The following UGGT2 variants were observed in gnomAD, a reference collection of about 807,000 sequenced individuals.
The protein encoded by UGGT2 is UDP-glucose glycoprotein glucosyltransferase 2.
Under a neutral mutation model 192.1 loss-of-function variants are expected in UGGT2, and 180 were observed. The observed-to-expected ratio is 0.94, with a 90% CI of 0.83 to 1.06. UGGT2 has a LOEUF of 1.06. UGGT2 is among the 50% of genes least tolerant of loss of function. The pLI is 0.00. For missense variants in UGGT2, 1,849 were observed against 1,795.7 expected, an observed-to-expected ratio of 1.03 and a Z score of -0.54; for synonymous variants, 580 against 591.0, an observed-to-expected ratio of 0.98 and a Z score of 0.27.
chr13:95,868,018 T>C (rs1291142680), intron 29 of UGGT2, among the ~76,000 whole-genome samples: 5 of 152,186 alleles, frequency 3.3e-5, no homozygotes, highest in Admixed American at 6.5e-5. Context: ...CTGTGCTCCG[T>C]AATTATTTTT....
At chr13:96,011,597 G>A (rs1047895937) in intron 5 of UGGT2, among the ~76,000 whole-genome samples, 1 of 152,124 alleles carries the variant, frequency 6.6e-6, no homozygotes, top group Non-Finnish European at 1.5e-5. Context: ...CAGCCACTTT[G>A]AGAGACAGTT....
intron 20 of UGGT2, among the ~76,000 whole-genome samples, chr13:95,914,327 C>G (rs2048606959): frequency 6.6e-6 from 1 of 151,136 alleles, no homozygotes; most frequent in Admixed American, 6.6e-5. Flanking sequence ...TTTCTTAAAA[C>G]TACTGGCATC....
chr13:95,881,432 A>G (rs1431762609), intron 27 of UGGT2, among the ~76,000 whole-genome samples: 1 of 152,144 alleles, frequency 6.6e-6, no homozygotes, highest in Non-Finnish European at 1.5e-5. Flanking sequence ...TAAGTGTTTG[A>G]TGGTTTGAGA....
intron 38 of UGGT2, among the ~76,000 whole-genome samples, chr13:95,824,966 A>C (rs1371232674): frequency 6.6e-6 from 1 of 151,776 alleles, no homozygotes; most frequent in Non-Finnish European, 1.5e-5. Context: ...TTCCCCCTTA[A>C]GAATGTGAGT....
chr13:95,854,372 C>T lies in UGGT2; in HGVS notation c.4112G>A (p.Arg1371His), dbSNP rs1203096176. 11 of 1,613,660 alleles carry T rather than the reference C, an allele frequency of 6.8e-6. No homozygotes were observed. The highest frequency in any genetic ancestry group is 1.6e-4 in the Middle Eastern group (1 of 6,078). ...TGCCCAGTATCCTGTTTTCCAGAAA[C>T]GATATCCATCCATTTCCCTGCGGCT... Reference protein sequence around the residue: ...CDSRREMDGYRFWKTGYWASH... With the variant: ...CDSRREMDGYHFWKTGYWASH... Residue 1371 changes from arginine to histidine, a missense_variant, in exon 35 of 39, where the codon CGT becomes CAT. By Grantham distance (29) the Arg-to-His change is conservative (BLOSUM62 0). Coordinates refer to ENST00000376747, the MANE Select transcript of UGGT2 (RefSeq NM_020121.4).
intron 12 of UGGT2, among the ~76,000 whole-genome samples, chr13:95,969,348 G>A (rs2050692175): frequency 6.6e-6 from 1 of 152,182 alleles, no homozygotes; most frequent in African/African-American, 2.4e-5. Context: ...CCATAACCAT[G>A]AATATAACAA....
chr13:95,885,487 C>G (rs1834661269), intron 26 of UGGT2, among the ~76,000 whole-genome samples: 1 of 152,170 alleles, frequency 6.6e-6, no homozygotes, highest in Non-Finnish European at 1.5e-5. Flanking sequence ...CACAGAAGAG[C>G]CACAGAGAGA....
At chr13:96,046,917 G>C (rs1010652497) in intron 1 of UGGT2, among the ~76,000 whole-genome samples, 3 of 152,208 alleles carry the variant, frequency 2.0e-5, no homozygotes, top group African/African-American at 7.2e-5. Flanking sequence ...AGTGAGGCTG[G>C]GGGAGGGGCA....
chr13:95,891,666 C>T (rs890784862), intron 24 of UGGT2, among the ~76,000 whole-genome samples: 3 of 152,060 alleles, frequency 2.0e-5, no homozygotes, highest in African/African-American at 7.2e-5. Flanking sequence ...TACTGAATTA[C>T]TGTTTTAACA....
At chr13:96,034,361 C>T (rs1309627020) in intron 1 of UGGT2, among the ~76,000 whole-genome samples, 1 of 152,228 alleles carries the variant, frequency 6.6e-6, no homozygotes, top group African/African-American at 2.4e-5. Context: ...GAGCTACCAA[C>T]TTCAGTTCTC....
chr13:95,931,199 G>C (rs2049251436), intron 17 of UGGT2, among the ~76,000 whole-genome samples: 2 of 152,146 alleles, frequency 1.3e-5, no homozygotes, highest in Non-Finnish European at 2.9e-5. Flanking sequence ...CACTAGATGA[G>C]CTAGACACAG....
intron 5 of UGGT2, among the ~76,000 whole-genome samples, chr13:96,007,773 G>A (rs934773160): frequency 1.3e-5 from 2 of 152,082 alleles, no homozygotes; most frequent in Non-Finnish European, 2.9e-5. Flanking sequence ...CAACACTGAT[G>A]AAAGGAATCG....
At chr13:95,859,496 T>G in intron 33 of UGGT2, 95 bp downstream of exon 33, 1 of 1,036,274 alleles carries the variant, frequency 9.6e-7, no homozygotes, top group Admixed American at 2.9e-5. Flanking sequence ...TCAAAAAGCT[T>G]ATTCTGAAAA....
chr13:95,854,424 G>A lies in UGGT2; in HGVS notation c.4060C>T (p.Pro1354Ser), dbSNP rs186789804. 3 of 1,613,412 alleles carry A rather than the reference G, an allele frequency of 1.9e-6. No homozygotes were observed. The highest frequency in any genetic ancestry group is 1.3e-5 in the African/African-American group (1 of 74,994). ...TCACAAAATGGAGTATACCCATAAG[G>A]AGCTCCATCCAGATCGAAATCTCGA... Reference protein sequence around the residue: ...ELRDFDLDGAPYGYTPFCDSR... With the variant: ...ELRDFDLDGASYGYTPFCDSR... The change falls in exon 35 of 39, where the codon CCT becomes TCT. Residue 1354 changes from proline (P) to serine (S), a missense_variant. Transcript: ENST00000376747.
At chr13:95,975,512 T>A (rs1158938415) in intron 10 of UGGT2, among the ~76,000 whole-genome samples, 4 of 152,196 alleles carry the variant, frequency 2.6e-5, no homozygotes, top group African/African-American at 9.7e-5. Flanking sequence ...TCCAAAAAAC[T>A]TAGATTTTTG....
At position 95,903,012 on chromosome 13, in the gene UGGT2, T is replaced by C. The variant is rs1020620771; in HGVS notation, c.2344A>G (p.Lys782Glu). ...ATAGCTGTGTTCTCTTCATTTATTT[T>C]TGATGTAGGATTATAAATAATCCCC... ...RLGIIYNPTS[K>E]INEENTAISR... The change falls in exon 21 of 39, where the codon AAA becomes GAA. Residue 782 changes from lysine (K) to glutamate (E), a missense_variant. Lys to Glu is a moderately conservative substitution (Grantham distance 56). Transcript: ENST00000376747. 1 of 1,613,046 alleles carries C rather than the reference T, an allele frequency of 6.2e-7. No individual in the cohort carries two copies. The highest frequency in any genetic ancestry group is 1.3e-5 in the African/African-American group (1 of 74,898).
At chr13:95,965,891 T>G (rs1243060030) in intron 12 of UGGT2, among the ~76,000 whole-genome samples, 2 of 152,036 alleles carry the variant, frequency 1.3e-5, no homozygotes, top group African/African-American at 4.8e-5. Context: ...GATAAAAGAA[T>G]AGCAGGTGTT....
At chr13:95,956,927 G>GT (rs2050228966) in intron 12 of UGGT2, among the ~76,000 whole-genome samples, 1 of 152,178 alleles carries the variant, frequency 6.6e-6, no homozygotes, top group African/African-American at 2.4e-5. Flanking sequence ...TAGCAGCAGT[G>GT]TAAATGTCCA....
At chr13:95,924,767 A>G (rs1054698689) in intron 20 of UGGT2, among the ~76,000 whole-genome samples, 2 of 152,182 alleles carry the variant, frequency 1.3e-5, no homozygotes, top group African/African-American at 4.8e-5. Context: ...AAACAGGTCT[A>G]TGTGGCAATG....
Sources: gnomAD v4.1 joint callset for allele counts (sites outside exome capture counted in the v4.1 genomes callset) on GRCh38, gnomAD v4.1.1 for gene constraint, MANE v1.5 for transcripts, NCBI Gene and HGNC (gene_info 2026-07-23, HGNC 2026-07-21) for gene names.